The following NRXN1 variants were observed in gnomAD, a reference collection of about 807,000 sequenced individuals.
The protein encoded by NRXN1 is neurexin-1.
A neutral mutation model predicts 150.9 loss-of-function variants in NRXN1; 39 were observed. The ratio of observed to expected loss-of-function variants is 0.26; its 90% CI spans 0.20 to 0.34. NRXN1 has a LOEUF of 0.34. NRXN1 is among the 10% of genes least tolerant of loss of function. The pLI, the probability that NRXN1 is intolerant of heterozygous loss-of-function variation, is 1.00. For synonymous variants in NRXN1, 924 were observed against 757.0 expected (o/e 1.22, Z -3.62); for missense variants, 1,815 against 1,949.9 (o/e 0.93, Z 1.30).
At chr2:50,762,484 C>T (rs978108905) in intron 5 of NRXN1, among the ~76,000 whole-genome samples, 1 of 151,700 alleles carries the variant, frequency 6.6e-6, no homozygotes, top group African/African-American at 2.4e-5. Flanking sequence ...CAACTCTTGC[C>T]CCATTCCCTC....
At chr2:49,976,682 C>A (rs572368727) in intron 21 of NRXN1, among the ~76,000 whole-genome samples, 1 of 152,218 alleles carries the variant, frequency 6.6e-6, no homozygotes, top group South Asian at 2.1e-4. Flanking sequence ...TTCTGGCAAT[C>A]TCTGCTGAAG....
At chr2:50,055,935 A>G (rs1693532910) in intron 19 of NRXN1, among the ~76,000 whole-genome samples, 1 of 152,166 alleles carries the variant, frequency 6.6e-6, no homozygotes, top group Non-Finnish European at 1.5e-5. Context: ...ATAAAAAATT[A>G]TCTGCTAGAA....
Position 49,922,188 on chromosome 2 carries a change from G to T in NRXN1, c.4280C>A (p.Ser1427Tyr), listed in dbSNP as rs1468708039. Reference protein sequence around the residue: ...YPGSAEVIRESSSTTGMVVGI... With the variant: ...YPGSAEVIREYSSTTGMVVGI... ...AACGACCATACCCGTGGTGCTGCTG[G>T]ACTCCCGGATCACTTCTGCTGAGCC... The change falls in exon 23 of 23, where the codon TCC (serine) becomes TAC (tyrosine). Residue 1427 changes from serine (S) to tyrosine (Y), a missense_variant. This residue lies in a region of NRXN1 where 265 missense variants were observed against 307.1 expected (regional missense o/e 0.86). Transcript: ENST00000401669. 6.2e-7 allele frequency: 1 copy of T among 1,614,034 alleles called. No homozygotes were observed. Among genetic ancestry groups the T allele is most frequent in the Non-Finnish European group, 8.5e-7 (1 of 1,180,036 alleles).
At chr2:50,718,177 G>A (rs1696111934) in intron 5 of NRXN1, among the ~76,000 whole-genome samples, 1 of 152,118 alleles carries the variant, frequency 6.6e-6, no homozygotes, top group Non-Finnish European at 1.5e-5. Flanking sequence ...CATGGTTTCA[G>A]ATAAAAAATA....
At chr2:50,594,387 G>T (rs1321936925) in intron 8 of NRXN1, among the ~76,000 whole-genome samples, 1 of 152,034 alleles carries the variant, frequency 6.6e-6, no homozygotes, top group Non-Finnish European at 1.5e-5. Context: ...AAGTTCCTGT[G>T]CCCTAAAAAA....
intron 17 of NRXN1, among the ~76,000 whole-genome samples, chr2:50,296,551 C>A (rs941643633): frequency 2.3e-5 from 2 of 87,600 alleles, no homozygotes; most frequent in African/African-American, 7.9e-5. Context: ...ATTATTATTA[C>A]TTGAACTCCT....
intron 18 of NRXN1, among the ~76,000 whole-genome samples, chr2:50,115,487 C>T (rs944695755): frequency 6.6e-6 from 1 of 151,740 alleles, no homozygotes; most frequent in African/African-American, 2.4e-5. Flanking sequence ...AAAGGAAATA[C>T]TATTATTATC....
chr2:50,145,863 T>G (rs887482187), intron 18 of NRXN1, among the ~76,000 whole-genome samples: 1 of 151,714 alleles, frequency 6.6e-6, no homozygotes, highest in Admixed American at 6.6e-5. Context: ...AATTGATTTT[T>G]ACTTCTTCAT....
chr2:50,508,064 C>T (rs2092314434), intron 12 of NRXN1, among the ~76,000 whole-genome samples: 1 of 152,102 alleles, frequency 6.6e-6, no homozygotes, highest in Non-Finnish European at 1.5e-5. Context: ...CTCAGTTTTC[C>T]ATCCACATGA....
intron 2 of NRXN1, among the ~76,000 whole-genome samples, chr2:50,954,720 G>T (rs1354929564): frequency 6.6e-6 from 1 of 152,174 alleles, no homozygotes; most frequent in Non-Finnish European, 1.5e-5. Flanking sequence ...CTTACTTCCA[G>T]TTCTTTATAA....
Position 50,391,244 on chromosome 2 carries a change from T to C in NRXN1, c.3364+74198A>G, listed in dbSNP as rs185647889. ...AAAGCAAGAAAAGACAACTGAAAGA[T>C]ACAAGTAAATAAGACTGAGATAAAA... On this transcript the variant is annotated intron_variant, in intron 17 of 22. Coordinates refer to ENST00000401669, the MANE Select transcript of NRXN1 (RefSeq NM_001330078.2). 2.0e-3 allele frequency among the ~76,000 whole-genome samples: 299 copies of C among 151,606 alleles called. 1 individual carries two copies. Among genetic ancestry groups the C allele is most frequent in the Middle Eastern group, 3.4e-3 (1 of 292 alleles).
chr2:50,987,249 A>G, intron 2 of NRXN1, among the ~76,000 whole-genome samples: 1 of 152,080 alleles, frequency 6.6e-6, no homozygotes, highest in Non-Finnish European at 1.5e-5. Context: ...TTTCTATTTA[A>G]GTTAGTACAA....
chr2:50,429,788 C>A (rs1558717454), intron 17 of NRXN1, among the ~76,000 whole-genome samples: 2 of 152,074 alleles, frequency 1.3e-5, no homozygotes, highest in East Asian at 1.9e-4. Context: ...TGAGTTGTGC[C>A]CCATCAATAG....
At chr2:50,056,230 C>T (rs1468634024) in intron 19 of NRXN1, among the ~76,000 whole-genome samples, 8 of 152,164 alleles carry the variant, frequency 5.3e-5, no homozygotes, top group Non-Finnish European at 1.5e-5. Flanking sequence ...AATAGATTTA[C>T]ATTTTATTCC....
chr2:50,575,005 G>C (rs1249962981), intron 8 of NRXN1, among the ~76,000 whole-genome samples: 1 of 152,182 alleles, frequency 6.6e-6, no homozygotes, highest in Non-Finnish European at 1.5e-5. Context: ...GGATGTATTA[G>C]AGCAATGTAT....
At chr2:50,187,144 T>C (rs2061130001) in intron 18 of NRXN1, among the ~76,000 whole-genome samples, 1 of 152,002 alleles carries the variant, frequency 6.6e-6, no homozygotes, top group South Asian at 2.1e-4. Flanking sequence ...ACCTAAAACA[T>C]GTGCAACTGT....
At chr2:50,138,017 T>C (rs528346592) in intron 18 of NRXN1, among the ~76,000 whole-genome samples, 16 of 152,300 alleles carry the variant, frequency 1.1e-4, no homozygotes, top group African/African-American at 3.8e-4. Context: ...AAGCCAATTG[T>C]TTTCTAACAA....
intron 16 of NRXN1, chr2:50,466,379 GA>G (rs2088850506): frequency 9.5e-6 from 4 of 423,086 alleles, no homozygotes; most frequent in Non-Finnish European, 1.4e-5. Context: ...AGTTACTGCA[GA>G]AATGTAAAAT....
At chr2:50,377,725 A>G (rs78430700) in intron 17 of NRXN1, among the ~76,000 whole-genome samples, 2,228 of 152,268 alleles carry the variant, frequency 0.015, 54 homozygotes, top group African/African-American at 0.049. Context: ...CACTGTCACT[A>G]CGTACTTATG....
Sources: allele counts gnomAD v4.1 joint callset (sites outside exome capture counted in the v4.1 genomes callset), GRCh38; gene constraint gnomAD v4.1.1; regional missense constraint gnomAD v4.1.1; transcripts MANE v1.5; gene names NCBI Gene and HGNC (gene_info 2026-07-23, HGNC 2026-07-21).